The following MARCHF5 variants were observed in gnomAD, a reference collection of about 807,000 sequenced individuals.
MARCHF5 encodes the protein E3 ubiquitin-protein ligase MARCHF5.
Under a neutral mutation model 36.5 loss-of-function variants are expected in MARCHF5, and 5 were observed. The ratio of observed to expected loss-of-function variants is 0.14; its 90% CI spans 0.07 to 0.29. MARCHF5 has a LOEUF of 0.29. MARCHF5 is among the 10% of genes least tolerant of loss of function. The probability of loss-of-function intolerance (pLI) is 1.00; values close to 1 mark genes in which losing one functional copy is unlikely to be tolerated. For missense variants in MARCHF5, 179 were observed against 336.3 expected (o/e 0.53, Z 3.66); for synonymous variants, 103 against 109.9 (o/e 0.94, Z 0.39).
intron 1 of MARCHF5, among the ~76,000 whole-genome samples, chr10:92,299,833 A>G (rs1842991336): frequency 6.6e-6 from 1 of 152,088 alleles, no homozygotes; most frequent in Non-Finnish European, 1.5e-5. Flanking sequence ...AATCATGCAG[A>G]AGCACCATTT....
intron 2 of MARCHF5, among the ~76,000 whole-genome samples, chr10:92,328,781 A>G (rs1352350859): frequency 6.8e-6 from 1 of 147,962 alleles, no homozygotes; most frequent in Non-Finnish European, 1.5e-5. Flanking sequence ...ACTGGTGTTT[A>G]GATCTTGTCA....
At chr10:92,319,756 G>A (rs1843266988) in intron 2 of MARCHF5, among the ~76,000 whole-genome samples, 2 of 149,232 alleles carry the variant, frequency 1.3e-5, no homozygotes, top group African/African-American at 4.9e-5. Context: ...CCAGGTTGAA[G>A]CAATTCTCCT....
In MARCHF5 at chr10:92,314,741, TCC is replaced by T. The variant is rs765246639; in HGVS notation, c.238+3409_238+3410del. Reference sequence around the variant, plus strand: ...AAACAGAGTATTTGCTGCTGCTGCTTCCCCCCGCCCCCCCCCGCCAATAGAGG... The same window carrying T: ...AAACAGAGTATTTGCTGCTGCTGCTTCCCCGCCCCCCCCCGCCAATAGAGG... On this transcript the variant is annotated intron_variant, in intron 2 of 5. Transcript: ENST00000358935. Among the ~76,000 whole-genome samples, 22 of 10,666 alleles carry T rather than the reference TCC, an allele frequency of 2.1e-3. 3 individuals carry two copies. The highest frequency in any genetic ancestry group is 0.1 in the Middle Eastern group (1 of 10). The allele number at this position is 10,666 out of a possible 152,430, so 7.0% of individuals were successfully genotyped here. A position where few individuals can be genotyped will look rare whatever the true frequency, so the allele number is the denominator to read the frequency against.
intron 1 of MARCHF5, among the ~76,000 whole-genome samples, chr10:92,310,552 T>TA (rs879686808): frequency 3.8e-4 from 56 of 147,686 alleles, no homozygotes; most frequent in East Asian, 1.2e-3. Flanking sequence ...ATTGCTATTC[T>TA]AAAAAAAAAA....
intron 2 of MARCHF5, among the ~76,000 whole-genome samples, chr10:92,339,505 A>G (rs1843549416): frequency 6.6e-6 from 1 of 152,126 alleles, no homozygotes; most frequent in African/African-American, 2.4e-5. Context: ...CCCCGTCTCT[A>G]CTAAAAATAC....
chr10:92,329,874 T>G (rs1843415934), intron 2 of MARCHF5, among the ~76,000 whole-genome samples: 1 of 152,220 alleles, frequency 6.6e-6, no homozygotes, highest in African/African-American at 2.4e-5. Flanking sequence ...AGACAGAGAT[T>G]TGCTCTTGTT....
intron 1 of MARCHF5, among the ~76,000 whole-genome samples, chr10:92,303,288 TA>T (rs1843037668): frequency 1.3e-5 from 2 of 152,226 alleles, no homozygotes; most frequent in South Asian, 4.1e-4. Flanking sequence ...AGCTTCATCT[TA>T]AAATCTTTCT....
At chr10:92,350,573 C>T (rs1564955848) in intron 5 of MARCHF5, among the ~76,000 whole-genome samples, 1 of 152,168 alleles carries the variant, frequency 6.6e-6, no homozygotes, top group Non-Finnish European at 1.5e-5. Context: ...ATCATTTGAA[C>T]AGTAGGCGCT....
chr10:92,303,788 A>G (rs901136715), intron 1 of MARCHF5, among the ~76,000 whole-genome samples: 1 of 152,216 alleles, frequency 6.6e-6, no homozygotes, highest in African/African-American at 2.4e-5. Context: ...ATGGAATTAT[A>G]TTACCCATAC....
At chr10:92,327,017 C>G (rs940769115) in intron 2 of MARCHF5, among the ~76,000 whole-genome samples, 1 of 151,912 alleles carries the variant, frequency 6.6e-6, no homozygotes, top group Non-Finnish European at 1.5e-5. Context: ...TTTCTTCTCT[C>G]TCCTTCATTC....
At chr10:92,343,295 A>G (rs1016535720) in intron 3 of MARCHF5, among the ~76,000 whole-genome samples, 1 of 152,122 alleles carries the variant, frequency 6.6e-6, no homozygotes, top group African/African-American at 2.4e-5. Context: ...GCTTTCCTCC[A>G]TAGAACTTAC....
Position 92,291,280 on chromosome 10 carries a change from G to T in MARCHF5, c.-215G>T. ...CCGCGATCGCCGCCTCCCCGCCTCA[G>T]GCTCCTCCTCCTCGCTCTCCGCCGC... On this transcript the variant is annotated 5_prime_UTR_variant, in exon 1 of 6. In the 5' UTR this introduces an upstream ATG that the reference lacks. Transcript: ENST00000358935. 1.8e-6 allele frequency: 1 copy of T among 553,446 alleles called. No individual in the cohort carries two copies. Among genetic ancestry groups the T allele is most frequent in the Non-Finnish European group, 3.1e-6 (1 of 319,184 alleles). 34.3% of individuals were successfully genotyped at this position (553,446 alleles called of 1,614,324 possible).
At chr10:92,328,817 ATATATTT>A in intron 2 of MARCHF5, among the ~76,000 whole-genome samples, 1 of 86,308 alleles carries the variant, frequency 1.2e-5, no homozygotes, top group African/African-American at 3.8e-5. Flanking sequence ...ATATATATAT[ATATATTT>A]TTTTTTTTTT....
At chr10:92,318,867 T>C (rs1233731680) in intron 2 of MARCHF5, among the ~76,000 whole-genome samples, 1 of 151,890 alleles carries the variant, frequency 6.6e-6, no homozygotes, top group Non-Finnish European at 1.5e-5. Context: ...CCACCAAGCC[T>C]GGCTAATTTT....
intron 1 of MARCHF5, among the ~76,000 whole-genome samples, chr10:92,304,607 G>T (rs146565835): frequency 2.6e-5 from 4 of 152,116 alleles, no homozygotes; most frequent in African/African-American, 7.2e-5. Flanking sequence ...TTTGAAATTA[G>T]TTATTTCGGG....
Position 92,291,553 on chromosome 10 carries a change from C to T in MARCHF5, c.35+24C>T, listed in dbSNP as rs202130932. ...AGGTACGGGCAGCTGTGGGGGGGAC[C>T]GGGAGCCGCCGACCCTCGCTCTGGC... On this transcript the variant is annotated intron_variant, in intron 1 of 5. Transcript: ENST00000358935. 11 of 1,525,922 alleles carry T rather than the reference C, an allele frequency of 7.2e-6. No homozygotes were observed. In the East Asian group the frequency reaches 2.3e-4, roughly 32 times the overall value. The allele number at this position is 1,525,922 out of a possible 1,614,324, so 94.5% of individuals were successfully genotyped here.
chr10:92,340,555 A>G, intron 2 of MARCHF5, 118 bp from the exon 3 acceptor site: 2 of 937,936 alleles, frequency 2.1e-6, no homozygotes, highest in East Asian at 2.6e-5. Context: ...CTGGATGACA[A>G]AGTGAGACCC....
chr10:92,324,407 G>A (rs1410401593), intron 2 of MARCHF5, among the ~76,000 whole-genome samples: 1 of 151,928 alleles, frequency 6.6e-6, no homozygotes, highest in African/African-American at 2.4e-5. Context: ...TGTTGCCCAG[G>A]CTAGAGTGCA....
chr10:92,335,008 A>G (rs1315718612), intron 2 of MARCHF5, among the ~76,000 whole-genome samples: 2 of 152,200 alleles, frequency 1.3e-5, no homozygotes, highest in Non-Finnish European at 2.9e-5. Flanking sequence ...GCCATTCGTT[A>G]TGTAAATACA....
Sources: gnomAD v4.1 joint callset for allele counts (sites outside exome capture counted in the v4.1 genomes callset) on GRCh38, gnomAD v4.1.1 for gene constraint, MANE v1.5 for transcripts, NCBI Gene and HGNC (gene_info 2026-07-23, HGNC 2026-07-21) for gene names.